Variants in PRMT8 observed in about 807,000 individuals in gnomAD.
PRMT8 encodes the protein protein arginine N-methyltransferase 8.
A neutral mutation model predicts 47.1 loss-of-function variants in PRMT8; 7 were observed. That is an observed-to-expected ratio of 0.15 (90% CI 0.08 to 0.28). The LOEUF (loss-of-function observed/expected upper bound fraction) is 0.28. Among genes scored for constraint, PRMT8 ranks in the 10% least tolerant of loss-of-function variants. PRMT8 has a pLI of 1.00. For synonymous variants in PRMT8, 188 were observed against 186.5 expected, an observed-to-expected ratio of 1.01 and a Z score of -0.07; for missense variants, 237 against 505.4, an observed-to-expected ratio of 0.47 and a Z score of 5.09.
At chr12:3,512,907 A>G (rs763530528) in intron 1 of PRMT8, among the ~76,000 whole-genome samples, 10 of 152,072 alleles carry the variant, frequency 6.6e-5, no homozygotes, top group Non-Finnish European at 1.0e-4. Context: ...TCTTCATCTC[A>G]TTTGCCCTCA....
rs1555085720 is a variant in PRMT8 at position 3,496,199 on chromosome 12, G to GATAT, written c.75+4512_75+4515dup. Among the ~76,000 whole-genome samples, 167 of 31,350 alleles carry GATAT rather than the reference G, an allele frequency of 5.3e-3. 7 individuals carry two copies. The highest frequency in any genetic ancestry group is 0.02 in the South Asian group (13 of 666). The allele number at this position is 31,350 out of a possible 152,430, so 20.6% of individuals were successfully genotyped here. A position where few individuals can be genotyped will look rare whatever the true frequency, so the allele number is the denominator to read the frequency against. Reference sequence around the variant, plus strand: ...TTAGCAAAGAGTCACTTTGGAAACTGATATATATATATATATTTTTTTTTT... The same window carrying GATAT: ...TTAGCAAAGAGTCACTTTGGAAACTGATATATATATATATATATATTTTTTTTTT... On this transcript the variant is annotated intron_variant, in intron 1 of 9. Transcript: ENST00000382622.
In PRMT8 at chr12:3,564,073, G is replaced by A. The variant is rs540144815; in HGVS notation, c.482-4633G>A. On this transcript the variant is annotated intron_variant, in intron 4 of 9. Coordinates refer to ENST00000382622, the MANE Select transcript of PRMT8 (RefSeq NM_019854.5). This position sits in a 1 kb window ranked among gnomAD's most constrained non-coding sequence, Gnocchi z 4.0. ...GACAACGAAGAGAAGGAATGCATAC[G>A]CTGGAGGTGAGCCGGGCCCTCCGCA... Among the ~76,000 whole-genome samples, 7 of 152,290 alleles carry A rather than the reference G, an allele frequency of 4.6e-5. No individual in the cohort carries two copies. The highest frequency in any genetic ancestry group is 8.8e-5 in the Non-Finnish European group (6 of 68,034).
intron 1 of PRMT8, among the ~76,000 whole-genome samples, chr12:3,408,804 AGTATAGCCCCT>A (rs1864398444): frequency 6.6e-6 from 1 of 152,192 alleles, no homozygotes; most frequent in East Asian, 1.9e-4. Context: ...TGGATGCAGT[AGTATAGCCCCT>A]GTGCAGTTTC....
intron 4 of PRMT8, among the ~76,000 whole-genome samples, chr12:3,558,988 A>ATCTATCTATCTG (rs1385641349): frequency 3.0e-4 from 46 of 151,022 alleles, no homozygotes; most frequent in South Asian, 2.1e-4. Flanking sequence ...CTATCTATCT[A>ATCTATCTATCTG]TCTGTCTATC....
chr12:3,490,821 G>A (rs1478880387), upstream of PRMT8, among the ~76,000 whole-genome samples: 1 of 149,094 alleles, frequency 6.7e-6, no homozygotes. Flanking sequence ...ATCGTAATTC[G>A]CCGAGGAAGG....
intron 2 of PRMT8, among the ~76,000 whole-genome samples, chr12:3,546,452 A>C (rs533528178): frequency 6.6e-6 from 1 of 152,354 alleles, no homozygotes; most frequent in Non-Finnish European, 1.5e-5. Flanking sequence ...TAATCAAGAA[A>C]AAAAGAGAAA....
In PRMT8 at chr12:3,404,439, G is replaced by A. The variant is rs533924840; in HGVS notation, c.48+22997G>A. Among the ~76,000 whole-genome samples, 3 of 152,088 alleles carry A rather than the reference G, an allele frequency of 2.0e-5. No homozygotes were observed. The East Asian group carries it at 5.8e-4, about 29-fold the overall frequency. ...AATTGTAATGGCTCAATGAGTTATCGCTAAGTGAACATACTCATCTAACTA... is the reference window on the plus strand; with the variant it reads ...AATTGTAATGGCTCAATGAGTTATCACTAAGTGAACATACTCATCTAACTA... On this transcript the variant is annotated intron_variant, in intron 1 of 9. Transcript: ENST00000452611.
At chr12:3,431,474 G>T (rs1028810470) in intron 1 of PRMT8, among the ~76,000 whole-genome samples, 1 of 152,148 alleles carries the variant, frequency 6.6e-6, no homozygotes, top group African/African-American at 2.4e-5. Flanking sequence ...GAGCGTGGGA[G>T]GTCAGGATCA....
At chr12:3,403,653 C>T (rs192290263) in intron 1 of PRMT8, among the ~76,000 whole-genome samples, 1,585 of 151,886 alleles carry the variant, frequency 0.01, 39 homozygotes, top group African/African-American at 0.036. Context: ...GCTGAGGCGG[C>T]AGATCACTTG....
chr12:3,401,309 A>T (rs1340630101), intron 1 of PRMT8, among the ~76,000 whole-genome samples: 1 of 152,114 alleles, frequency 6.6e-6, no homozygotes, highest in Non-Finnish European at 1.5e-5. Context: ...TAAACTAGGT[A>T]TTGAGGAATA....
chr12:3,553,999 C>A (rs1866477747), intron 4 of PRMT8, among the ~76,000 whole-genome samples: 1 of 152,184 alleles, frequency 6.6e-6, no homozygotes, highest in Non-Finnish European at 1.5e-5. Flanking sequence ...TGTGGGCAAC[C>A]TATTGCCTTC....
intron 1 of PRMT8, among the ~76,000 whole-genome samples, chr12:3,411,785 A>G (rs1591541825): frequency 6.6e-6 from 1 of 152,362 alleles, no homozygotes; most frequent in South Asian, 2.1e-4. Flanking sequence ...CCCTCTCACC[A>G]TGCTGTGATG....
At chr12:3,592,988 C>T (rs956224156) in intron 9 of PRMT8, 111 bp from the exon 10 acceptor site, 37 of 805,562 alleles carry the variant, frequency 4.6e-5, no homozygotes, top group Admixed American at 2.1e-4. Context: ...AGCCTTAAGA[C>T]GCTGGTGCTA....
At chr12:3,402,614 C>G (rs1193344317) in intron 1 of PRMT8, among the ~76,000 whole-genome samples, 1 of 152,116 alleles carries the variant, frequency 6.6e-6, no homozygotes, top group African/African-American at 2.4e-5. Flanking sequence ...GGAACTTAAA[C>G]AAATTTACAA....
chr12:3,571,169 G>C (rs562909919), intron 6 of PRMT8, among the ~76,000 whole-genome samples: 2 of 152,290 alleles, frequency 1.3e-5, no homozygotes, highest in East Asian at 3.9e-4. Context: ...GCCCCTTTCT[G>C]CCCCTGGCTC....
intron 1 of PRMT8, among the ~76,000 whole-genome samples, chr12:3,391,216 C>T (rs781671352): frequency 2.0e-5 from 3 of 152,210 alleles, no homozygotes; most frequent in Non-Finnish European, 4.4e-5. Flanking sequence ...GATAAAAATG[C>T]CTCTGACACA....
At chr12:3,454,195 C>T (rs1864950334) in intron 1 of PRMT8, among the ~76,000 whole-genome samples, 1 of 152,140 alleles carries the variant, frequency 6.6e-6, no homozygotes, top group Non-Finnish European at 1.5e-5. Context: ...CCACCCCGCG[C>T]CCTGTGTCTT....
intron 1 of PRMT8, among the ~76,000 whole-genome samples, chr12:3,386,166 A>G (rs1864135782): frequency 6.6e-6 from 1 of 152,220 alleles, no homozygotes; most frequent in Admixed American, 6.5e-5. Flanking sequence ...GTCCATGGCG[A>G]TATCTTACTG....
intron 4 of PRMT8, among the ~76,000 whole-genome samples, chr12:3,562,623 C>T (rs928507544): frequency 1.2e-4 from 18 of 152,240 alleles, no homozygotes; most frequent in African/African-American, 3.6e-4. Flanking sequence ...CAATTGCGTG[C>T]GCTCATCTCT....
Sources: gnomAD v4.1 joint callset for allele counts (sites outside exome capture counted in the v4.1 genomes callset) on GRCh38, gnomAD v4.1.1 for gene constraint, Gnocchi (gnomAD v3.1) non-coding constraint, MANE v1.5 for transcripts, NCBI Gene and HGNC (gene_info 2026-07-23, HGNC 2026-07-21) for gene names.